The following SIPA1L2 variants were observed in gnomAD, a reference collection of about 807,000 sequenced individuals.
SIPA1L2 encodes signal-induced proliferation-associated 1-like protein 2.
SIPA1L2 carries 56 observed loss-of-function variants against 163.9 expected under a neutral mutation model. The ratio of observed to expected loss-of-function variants is 0.34; its 90% CI spans 0.28 to 0.43. SIPA1L2 has a LOEUF of 0.43. Among genes scored for constraint, SIPA1L2 ranks in the 20% least tolerant of loss-of-function variants. The pLI, the probability that SIPA1L2 is intolerant of heterozygous loss-of-function variation, is 1.00. For missense variants in SIPA1L2, 1,974 were observed against 2,193.5 expected (o/e 0.90, Z 2.00); for synonymous variants, 877 against 865.7 (o/e 1.01, Z -0.23).
intron 8 of SIPA1L2, among the ~76,000 whole-genome samples, chr1:232,470,867 A>G (rs1479355946): frequency 6.6e-6 from 1 of 152,162 alleles, no homozygotes; most frequent in African/African-American, 2.4e-5. Flanking sequence ...ATTCCCTAAG[A>G]TTTCCTAAGA....
chr1:232,449,481 G>A (rs1417860953), intron 10 of SIPA1L2, among the ~76,000 whole-genome samples: 1 of 146,332 alleles, frequency 6.8e-6, no homozygotes, highest in Non-Finnish European at 1.5e-5. Flanking sequence ...TAGTGCCACT[G>A]CAGTCCGGCC....
intron 10 of SIPA1L2, among the ~76,000 whole-genome samples, chr1:232,459,548 T>G (rs1438608620): frequency 6.6e-6 from 1 of 152,218 alleles, no homozygotes; most frequent in Non-Finnish European, 1.5e-5. Flanking sequence ...AGTCTCACTC[T>G]GCCACCCATG....
chr1:232,573,406 T>G (rs1659908752), intron 2 of SIPA1L2, among the ~76,000 whole-genome samples: 1 of 152,190 alleles, frequency 6.6e-6, no homozygotes, highest in Non-Finnish European at 1.5e-5. Context: ...TCATGAAGTT[T>G]GTAACCTGAA....
intron 13 of SIPA1L2, 36 bp from the exon 14 acceptor site, chr1:232,441,430 T>G: frequency 6.6e-7 from 1 of 1,516,188 alleles, no homozygotes; most frequent in Non-Finnish European, 9.1e-7. Flanking sequence ...AATTTCCAAT[T>G]TCCAGTATTA....
rs189448108 is a variant in SIPA1L2, at chr1:232,562,115, G to A, written c.-270+12059C>T. Among the ~76,000 whole-genome samples the A allele has an allele frequency of 1.9e-4, 29 of 152,306 alleles. 1 individual carries two copies. In the East Asian group the frequency reaches 5.0e-3, roughly 26 times the overall value. Reference sequence around the variant, plus strand: ...GACACTGGAGAAGTACTGATGAGGAGAAATGGGGAAAATGACCCAAATGTA... The same window carrying A: ...GACACTGGAGAAGTACTGATGAGGAAAAATGGGGAAAATGACCCAAATGTA... On this transcript the variant is annotated intron_variant, in intron 2 of 22. Transcript: ENST00000674635.
At chr1:232,399,791 A>G (rs1472772514) in intron 22 of SIPA1L2, among the ~76,000 whole-genome samples, 2 of 152,230 alleles carry the variant, frequency 1.3e-5, no homozygotes, top group African/African-American at 4.8e-5. Context: ...CTTTCAGAAG[A>G]ATCACATCTG....
At chr1:232,537,880 A>G (rs16857596) in intron 2 of SIPA1L2, among the ~76,000 whole-genome samples, 2,622 of 152,358 alleles carry the variant, frequency 0.017, 80 homozygotes, top group African/African-American at 0.06. Context: ...TCCTTAAACT[A>G]TCTACATATA....
chr1:232,511,878 G>T (rs1666995117), intron 3 of SIPA1L2, among the ~76,000 whole-genome samples: 1 of 152,130 alleles, frequency 6.6e-6, no homozygotes, highest in African/African-American at 2.4e-5. Flanking sequence ...TGACAAATGG[G>T]ATCTAATTAA....
At chr1:232,599,184 C>A (rs1437830351) in intron 1 of SIPA1L2, among the ~76,000 whole-genome samples, 1 of 152,110 alleles carries the variant, frequency 6.6e-6, no homozygotes, top group African/African-American at 2.4e-5. Flanking sequence ...GGCAGGGGTT[C>A]TGGATTCAGA....
intron 10 of SIPA1L2, among the ~76,000 whole-genome samples, chr1:232,454,548 T>C (rs187789037): frequency 3.4e-4 from 52 of 152,324 alleles, no homozygotes; most frequent in South Asian, 4.1e-4. Context: ...AGATTCTCAA[T>C]AGCTAGCTAT....
At position 232,528,078 on chromosome 1, in the gene SIPA1L2, TTATA is replaced by T. The variant is rs67185229; in HGVS notation, c.-269-12474_-269-12471del. On this transcript the variant is annotated intron_variant, in intron 2 of 22. Transcript: ENST00000674635. ...TCTCTTGTTAGCAAGTAAGCAAGTT[TTATA>T]TATATATATATATATATATAATCAA... Among the ~76,000 whole-genome samples, 335 of 96,110 alleles carry T rather than the reference TTATA, an allele frequency of 3.5e-3. 14 individuals carry two copies. The highest frequency in any genetic ancestry group is 0.01 in the African/African-American group (212 of 20,698). The allele number at this position is 96,110 out of a possible 152,430, so 63.1% of individuals were successfully genotyped here. A position where few individuals can be genotyped will look rare whatever the true frequency, so the allele number is the denominator to read the frequency against.
At chr1:232,566,820 A>G (rs1274839566) in intron 2 of SIPA1L2, among the ~76,000 whole-genome samples, 3 of 152,238 alleles carry the variant, frequency 2.0e-5, no homozygotes, top group African/African-American at 7.2e-5. Context: ...TTTGAGTGTG[A>G]GAATATGCAG....
In SIPA1L2 at chr1:232,618,919, T is replaced by C. The variant is rs539283634; in HGVS notation, c.-319+10950A>G. On this transcript the variant is annotated intron_variant, in intron 1 of 22. Transcript: ENST00000674635. ...GACACAGTCTATAACCTTCAGTAAA[T>C]TACAGTGAGGAAAAAAAACATAATG... Among the ~76,000 whole-genome samples, 14 of 152,256 alleles carry C rather than the reference T, an allele frequency of 9.2e-5. No individual in the cohort carries two copies. The South Asian group carries it at 2.5e-3, about 27-fold the overall frequency.
chr1:232,629,744 G>A (rs1210633776), intron 1 of SIPA1L2, among the ~76,000 whole-genome samples, 125 bp downstream of exon 1: 1 of 149,780 alleles, frequency 6.7e-6, no homozygotes, highest in Non-Finnish European at 1.5e-5. Flanking sequence ...CGCACCCCTC[G>A]CCGCCGTCAG....
intron 7 of SIPA1L2, among the ~76,000 whole-genome samples, chr1:232,474,240 AT>A (rs1221445888): frequency 3.3e-5 from 5 of 152,202 alleles, no homozygotes; most frequent in African/African-American, 1.2e-4. Flanking sequence ...GAACCAACTT[AT>A]TAGTGTCTTC....
In SIPA1L2 at chr1:232,508,097, C is replaced by T. The variant is rs553486815; in HGVS notation, c.1483+5760G>A. ...AGATATAGATTCGTCAATCTGATTC[C>T]GCATTTTCCCCCACTACATTCAGAG... On this transcript the variant is annotated intron_variant, in intron 3 of 22. Transcript: ENST00000674635. Among the ~76,000 whole-genome samples the T allele has an allele frequency of 7.9e-5, 12 of 152,118 alleles. No homozygotes were observed. The South Asian group carries it at 1.0e-3, about 13-fold the overall frequency.
chr1:232,505,658 G>GAC (rs1217242202), intron 3 of SIPA1L2, among the ~76,000 whole-genome samples: 1 of 152,102 alleles, frequency 6.6e-6, no homozygotes, highest in Non-Finnish European at 1.5e-5. Flanking sequence ...GTTTTCCACC[G>GAC]ACGGCCACAT....
intron 2 of SIPA1L2, among the ~76,000 whole-genome samples, chr1:232,551,272 T>C (rs1250036478): frequency 6.6e-6 from 1 of 152,154 alleles, no homozygotes; most frequent in Non-Finnish European, 1.5e-5. Flanking sequence ...CTAAAATCAG[T>C]TGTTTTTATT....
chr1:232,617,312 GA>G (rs1409877702), intron 1 of SIPA1L2, among the ~76,000 whole-genome samples: 2 of 152,236 alleles, frequency 1.3e-5, no homozygotes, highest in Admixed American at 1.3e-4. Context: ...TGGGATGTAA[GA>G]TGAGACCCAG....
Sources: gnomAD v4.1 joint callset for allele counts (sites outside exome capture counted in the v4.1 genomes callset) on GRCh38, gnomAD v4.1.1 for gene constraint, MANE v1.5 for transcripts, NCBI Gene and HGNC (gene_info 2026-07-23, HGNC 2026-07-21) for gene names.